GALNTL6: variants seen among roughly 807,000 people sequenced by gnomAD.
The protein encoded by GALNTL6 is polypeptide N-acetylgalactosaminyltransferase like 6.
GALNTL6 carries 46 observed loss-of-function variants against 73.7 expected under a neutral mutation model. That is an observed-to-expected ratio of 0.62 (90% CI 0.49 to 0.80). The LOEUF (loss-of-function observed/expected upper bound fraction) is 0.80, where lower values mean the gene tolerates loss of function less well. GALNTL6 is among the 30% of genes least tolerant of loss of function. The pLI is 0.00. For missense variants in GALNTL6, 604 were observed against 755.0 expected (o/e 0.80, Z 2.34); for synonymous variants, 259 against 263.7 (o/e 0.98, Z 0.17).
chr4:172,978,321 A>G (rs1269633139), intron 10 of GALNTL6, among the ~76,000 whole-genome samples: 2 of 152,102 alleles, frequency 1.3e-5, no homozygotes, highest in Non-Finnish European at 2.9e-5. Flanking sequence ...TACTAATCAC[A>G]AAGGAAGAAA....
chr4:171,866,633 A>G (rs1454743212), intron 2 of GALNTL6, among the ~76,000 whole-genome samples: 3 of 152,206 alleles, frequency 2.0e-5, no homozygotes, highest in Non-Finnish European at 2.9e-5. Flanking sequence ...TGACTGACAA[A>G]CAACAGAAAT....
At chr4:171,988,185 A>G (rs142768305) in intron 2 of GALNTL6, among the ~76,000 whole-genome samples, 1,970 of 152,324 alleles carry the variant, frequency 0.013, 28 homozygotes, top group African/African-American at 0.038. Flanking sequence ...TACAGGGTGC[A>G]GTCCTGGCTC....
chr4:172,455,380 G>A (rs748288477), intron 5 of GALNTL6, among the ~76,000 whole-genome samples: 14 of 152,138 alleles, frequency 9.2e-5, no homozygotes, highest in Non-Finnish European at 1.8e-4. Flanking sequence ...CCCTGGAAAG[G>A]GGGCTGAAGC....
chr4:172,938,361 C>T (rs891822643), intron 9 of GALNTL6, among the ~76,000 whole-genome samples: 4 of 152,136 alleles, frequency 2.6e-5, no homozygotes, highest in African/African-American at 9.7e-5. Flanking sequence ...TTAATAAATG[C>T]TTCTTCATTG....
chr4:172,660,503 A>G (rs113395612), intron 5 of GALNTL6, among the ~76,000 whole-genome samples: 2,630 of 152,306 alleles, frequency 0.017, 68 homozygotes, highest in African/African-American at 0.059. Flanking sequence ...CTCACTGAGG[A>G]AGTTCAGATT....
At chr4:172,982,367 C>A (rs1309590150) in intron 10 of GALNTL6, among the ~76,000 whole-genome samples, 1 of 152,154 alleles carries the variant, frequency 6.6e-6, no homozygotes, top group Non-Finnish European at 1.5e-5. Flanking sequence ...AGGAACTGTG[C>A]CCTTAACGTG....
chr4:171,927,117 G>A (rs758030683), intron 2 of GALNTL6, among the ~76,000 whole-genome samples: 4 of 151,982 alleles, frequency 2.6e-5, no homozygotes, highest in Non-Finnish European at 4.4e-5. Context: ...TCATGAAACA[G>A]TGCTGACATT....
intron 5 of GALNTL6, among the ~76,000 whole-genome samples, chr4:172,465,328 T>C (rs1257814752): frequency 6.6e-6 from 1 of 151,944 alleles, no homozygotes; most frequent in Non-Finnish European, 1.5e-5. Context: ...ATACCAAATA[T>C]TAGCCGGGCA....
chr4:172,114,059 G>C (rs1296709013), intron 2 of GALNTL6, among the ~76,000 whole-genome samples: 3 of 152,010 alleles, frequency 2.0e-5, no homozygotes, highest in African/African-American at 7.2e-5. Context: ...TTAGAAACAT[G>C]CCAAATAATT....
chr4:172,119,663 C>CTG (rs61462937), intron 2 of GALNTL6, among the ~76,000 whole-genome samples: 3,343 of 152,218 alleles, frequency 0.022, 123 homozygotes, highest in African/African-American at 0.075. Context: ...CATAAAGTCT[C>CTG]TTGATTCAAC....
At chr4:172,790,847 C>G (rs1303198453) in intron 5 of GALNTL6, among the ~76,000 whole-genome samples, 1 of 138,656 alleles carries the variant, frequency 7.2e-6, no homozygotes, top group Non-Finnish European at 1.5e-5. Context: ...TGCAGTGAGC[C>G]AAGATCACAC....
At chr4:172,342,794 A>G (rs1201215302) in intron 4 of GALNTL6, among the ~76,000 whole-genome samples, 1 of 152,188 alleles carries the variant, frequency 6.6e-6, no homozygotes, top group East Asian at 1.9e-4. Context: ...TTCTGACTCT[A>G]TTCCTTCTGT....
intron 2 of GALNTL6, among the ~76,000 whole-genome samples, chr4:171,988,821 AG>A (rs891188537): frequency 2.6e-5 from 4 of 152,018 alleles, no homozygotes; most frequent in South Asian, 4.2e-4. Flanking sequence ...TAGGATGGTA[AG>A]GGGGGCATGA....
chr4:172,044,238 T>C (rs1400703328), intron 2 of GALNTL6, among the ~76,000 whole-genome samples: 3 of 152,008 alleles, frequency 2.0e-5, no homozygotes, highest in Non-Finnish European at 4.4e-5. Flanking sequence ...AAAGTCACTA[T>C]TGATAAAATG....
intron 2 of GALNTL6, among the ~76,000 whole-genome samples, chr4:171,965,517 G>A (rs1425195027): frequency 2.0e-5 from 3 of 151,938 alleles, no homozygotes; most frequent in Non-Finnish European, 2.9e-5. Flanking sequence ...TTAGCCAGGC[G>A]AGGTGGTGGG....
At chr4:172,665,041 C>T (rs1384854115) in intron 5 of GALNTL6, among the ~76,000 whole-genome samples, 1 of 152,158 alleles carries the variant, frequency 6.6e-6, no homozygotes, top group Non-Finnish European at 1.5e-5. Flanking sequence ...ACGTACTTAC[C>T]TAGAAGTACA....
At chr4:172,157,339 A>T (rs1734318299) in intron 2 of GALNTL6, among the ~76,000 whole-genome samples, 1 of 152,190 alleles carries the variant, frequency 6.6e-6, no homozygotes. Flanking sequence ...TGGCATTATG[A>T]AATAGAATGC....
chr4:171,910,645 C>G lies in GALNTL6; in HGVS notation c.138+95927C>G, dbSNP rs1737450514. On this transcript the variant is annotated intron_variant, in intron 2 of 12. Transcript: ENST00000506823. ...GTATTAACCATCTTACCCTGTTCGCCATTTTATAGATTTTGAAAGAATACA... is the reference window on the plus strand; with the variant it reads ...GTATTAACCATCTTACCCTGTTCGCGATTTTATAGATTTTGAAAGAATACA... Among the ~76,000 whole-genome samples, 3 of 151,904 alleles carry G rather than the reference C, an allele frequency of 2.0e-5. No individual in the cohort carries two copies. In the South Asian group the frequency reaches 6.2e-4, roughly 31 times the overall value.
intron 2 of GALNTL6, among the ~76,000 whole-genome samples, chr4:172,154,282 G>T (rs1183195292): frequency 6.6e-6 from 1 of 151,906 alleles, no homozygotes; most frequent in Non-Finnish European, 1.5e-5. Context: ...GCCCAGGCTG[G>T]TGTGCAATGG....
Sources: gnomAD v4.1 joint callset for allele counts (sites outside exome capture counted in the v4.1 genomes callset) on GRCh38, gnomAD v4.1.1 for gene constraint, MANE v1.5 for transcripts, NCBI Gene and HGNC (gene_info 2026-07-23, HGNC 2026-07-21) for gene names.